MSANTD3: variants seen among roughly 807,000 people sequenced by gnomAD.
MSANTD3 encodes the protein Myb/SANT DNA binding domain containing 3.
Under a neutral mutation model 27.7 loss-of-function variants are expected in MSANTD3, and 11 were observed. The ratio of observed to expected loss-of-function variants is 0.40; its 90% CI spans 0.25 to 0.66. MSANTD3 has a LOEUF of 0.66. MSANTD3 is among the 30% of genes least tolerant of loss of function. The pLI is 0.41. For synonymous variants in MSANTD3, 131 were observed against 127.2 expected (o/e 1.03, Z -0.20); for missense variants, 250 against 336.5 (o/e 0.74, Z 2.01).
intron 1 of MSANTD3, among the ~76,000 whole-genome samples, chr9:100,436,859 C>A (rs755310797): frequency 1.3e-5 from 2 of 152,188 alleles, no homozygotes; most frequent in South Asian, 2.1e-4. Context: ...GGCTGGAGTG[C>A]AATGGCTCGA....
At chr9:100,429,589 AC>A (rs200582385) in intron 1 of MSANTD3, 2 of 152,420 alleles carry the variant, frequency 1.3e-5, no homozygotes, top group East Asian at 3.9e-4. Flanking sequence ...GTCATGTACA[AC>A]TGTCAGTGAG....
intron 2 of MSANTD3, among the ~76,000 whole-genome samples, chr9:100,447,966 C>A (rs1024274816): frequency 1.3e-5 from 2 of 151,800 alleles, no homozygotes; most frequent in Non-Finnish European, 1.5e-5. Flanking sequence ...CAAGGCGGGC[C>A]GATTGCTTGA....
intron 2 of MSANTD3, chr9:100,449,210 C>A (rs141703654): frequency 1.0e-6 from 1 of 985,352 alleles, no homozygotes; most frequent in African/African-American, 1.7e-5. Flanking sequence ...ATTGCAACTC[C>A]CTAATTGACA....
chr9:100,439,765 C>T (rs1255174360), intron 1 of MSANTD3, among the ~76,000 whole-genome samples: 7 of 151,486 alleles, frequency 4.6e-5, no homozygotes, highest in African/African-American at 1.2e-4. Context: ...GTGATCCGCC[C>T]GCCTCAGCCT....
chr9:100,437,933 C>CA (rs1836513071), intron 1 of MSANTD3, among the ~76,000 whole-genome samples: 1 of 152,080 alleles, frequency 6.6e-6, no homozygotes, highest in Non-Finnish European at 1.5e-5. Flanking sequence ...AGTAAGGGCT[C>CA]AATACAAGTT....
chr9:100,434,845 G>A (rs973417119), intron 1 of MSANTD3, among the ~76,000 whole-genome samples: 1 of 152,104 alleles, frequency 6.6e-6, no homozygotes, highest in Non-Finnish European at 1.5e-5. Context: ...GGTTCAGCCT[G>A]TCCTTGTATC....
intron 1 of MSANTD3, among the ~76,000 whole-genome samples, chr9:100,440,807 TA>T (rs1486786718): frequency 1.5e-5 from 2 of 129,808 alleles, no homozygotes; most frequent in African/African-American, 2.8e-5. Context: ...TTTTTTTTTT[TA>T]GAGACAGGGT....
intron 1 of MSANTD3, among the ~76,000 whole-genome samples, chr9:100,438,977 C>A (rs774325099): frequency 4.6e-5 from 7 of 152,184 alleles, no homozygotes; most frequent in Non-Finnish European, 1.0e-4. Context: ...TAGCTTTGCT[C>A]AGGATCTGAG....
intron 2 of MSANTD3, chr9:100,445,221 G>C (rs970114949): frequency 1.2e-6 from 2 of 1,605,862 alleles, no homozygotes; most frequent in Non-Finnish European, 1.7e-6. Context: ...TCCTTTCTGG[G>C]ACTTGGTAGG....
chr9:100,439,934 G>A (rs1836564995), intron 1 of MSANTD3, among the ~76,000 whole-genome samples: 1 of 152,122 alleles, frequency 6.6e-6, no homozygotes, highest in South Asian at 2.1e-4. Flanking sequence ...GAAGGACTGG[G>A]AATACGTAGG....
At chr9:100,443,292 G>A (rs1478602458) in intron 2 of MSANTD3, among the ~76,000 whole-genome samples, 6 of 152,014 alleles carry the variant, frequency 3.9e-5, no homozygotes, top group Admixed American at 3.3e-4. Context: ...CCAGCTACTT[G>A]GGAGGCTGAG....
chr9:100,442,210 A>G lies in MSANTD3; in HGVS notation c.272A>G (p.Glu91Gly), dbSNP rs765103676. 6.2e-7 allele frequency: 1 copy of G among 1,613,954 alleles called. No individual in the cohort carries two copies. The highest frequency in any genetic ancestry group is 1.1e-5 in the South Asian group (1 of 91,072). The change falls in exon 2 of 3, where the codon GAG (glutamate) becomes GGG (glycine). Residue 91 changes from glutamate (E) to glycine (G), a missense_variant. Glu to Gly is a moderately conservative substitution (Grantham distance 98). Coordinates refer to ENST00000395067, the MANE Select transcript of MSANTD3 (RefSeq NM_080655.3). The stretch of plus-strand genomic sequence containing the variant: ...AAAATTATGGCCCATGAAAGGAGAG[A>G]GAAAGTGAAACGGAGCGTCAGCCCT... ...TKKIMAHERR[E>G]KVKRSVSPLL...
intron 1 of MSANTD3, among the ~76,000 whole-genome samples, chr9:100,427,735 G>C (rs952316671): frequency 6.6e-6 from 1 of 152,132 alleles, no homozygotes; most frequent in Non-Finnish European, 1.5e-5. Flanking sequence ...TTCCCATCCC[G>C]GCGTCCCCAC....
At chr9:100,430,721 C>T (rs1836356178) in intron 1 of MSANTD3, among the ~76,000 whole-genome samples, 1 of 152,090 alleles carries the variant, frequency 6.6e-6, no homozygotes, top group South Asian at 2.1e-4. Flanking sequence ...GTAAAATGTA[C>T]CATAGGTCTT....
Position 100,451,241 on chromosome 9 carries a change from A to T in MSANTD3, c.*275A>T. 1 of 314,342 alleles carries T rather than the reference A, an allele frequency of 3.2e-6. No individual in the cohort carries two copies. The highest frequency in any genetic ancestry group is 5.1e-5 in the East Asian group (1 of 19,506). 19.5% of individuals were successfully genotyped at this position (314,342 alleles called of 1,614,324 possible). ...AGAATTCATACAAGAACCACGTGTG[A>T]GTGTTGTTGTTGTTGTTTTTTTTTT... On this transcript the variant is annotated 3_prime_UTR_variant, in exon 3 of 3. Transcript: ENST00000395067.
chr9:100,429,398 C>G (rs1265188531), intron 1 of MSANTD3: 1 of 152,176 alleles, frequency 6.6e-6, no homozygotes, highest in Non-Finnish European at 1.5e-5. Flanking sequence ...ATTCCCTGTC[C>G]GTGATAACAT....
At chr9:100,440,017 G>A (rs371034588) in intron 1 of MSANTD3, among the ~76,000 whole-genome samples, 213 of 152,164 alleles carry the variant, frequency 1.4e-3, no homozygotes, top group African/African-American at 4.8e-3. Context: ...CATTTTTGCC[G>A]TAACATATTT....
chr9:100,443,436 A>G (rs1456065569), intron 2 of MSANTD3, among the ~76,000 whole-genome samples: 1 of 152,218 alleles, frequency 6.6e-6, no homozygotes, highest in Non-Finnish European at 1.5e-5. Context: ...ACTTTAAAAA[A>G]AGTGCAAAGA....
intron 1 of MSANTD3, among the ~76,000 whole-genome samples, chr9:100,430,425 A>G (rs1836346803): frequency 6.6e-6 from 1 of 151,768 alleles, no homozygotes; most frequent in Admixed American, 6.6e-5. Flanking sequence ...TGGTCTGGTT[A>G]GGTTGAAAAT....
Sources: allele counts gnomAD v4.1 joint callset (sites outside exome capture counted in the v4.1 genomes callset), GRCh38; gene constraint gnomAD v4.1.1; transcripts MANE v1.5; gene names NCBI Gene and HGNC (gene_info 2026-07-23, HGNC 2026-07-21).